Variants in VGLL4 observed in about 807,000 individuals in gnomAD.
The protein encoded by VGLL4 is vestigial like family member 4.
A neutral mutation model predicts 21.0 loss-of-function variants in VGLL4; 7 were observed. The ratio of observed to expected loss-of-function variants is 0.33; its 90% CI spans 0.19 to 0.63. The LOEUF is 0.63. Among genes scored for constraint, VGLL4 ranks in the 20% least tolerant of loss-of-function variants. The pLI is 0.78. For synonymous variants in VGLL4, 222 were observed against 173.2 expected (o/e 1.28, Z -2.21); for missense variants, 394 against 425.7 (o/e 0.93, Z 0.66).
At chr3:11,626,242 G>A in intron 1 of VGLL4, 1 of 413,952 alleles carries the variant, frequency 2.4e-6, no homozygotes, top group Non-Finnish European at 4.8e-6. Context: ...ACCAAATACG[G>A]AAGCTGAATC....
At chr3:11,591,944 A>G (rs4346530) in intron 2 of VGLL4, among the ~76,000 whole-genome samples, 120,190 of 152,000 alleles carry the variant, frequency 0.79, 48,103 homozygotes, top group Non-Finnish European at 0.86. Flanking sequence ...TTTCCACATT[A>G]GTAATTTAGG....
At chr3:11,677,285 T>A (rs1432321603) in intron 2 of VGLL4, among the ~76,000 whole-genome samples, 3 of 152,122 alleles carry the variant, frequency 2.0e-5, no homozygotes, top group Non-Finnish European at 4.4e-5. Context: ...CAATTTTTTT[T>A]TTTTTTGACA....
At chr3:11,571,801 C>T (rs985823503) in intron 2 of VGLL4, among the ~76,000 whole-genome samples, 4 of 152,158 alleles carry the variant, frequency 2.6e-5, no homozygotes, top group South Asian at 2.1e-4. Context: ...CTGTGGCTTG[C>T]GGTCCCAGCG....
intron 2 of VGLL4, among the ~76,000 whole-genome samples, chr3:11,701,599 C>T (rs1487663141): frequency 1.3e-5 from 2 of 152,130 alleles, no homozygotes; most frequent in Non-Finnish European, 2.9e-5. Flanking sequence ...CACGACAGCC[C>T]GTTAATCCTC....
intron 1 of VGLL4, chr3:11,610,163 G>C (rs1338612176): frequency 1.3e-5 from 2 of 152,412 alleles, no homozygotes; most frequent in South Asian, 2.1e-4. Flanking sequence ...ACCCTGGTAA[G>C]AGGACCCTGC....
At chr3:11,686,427 A>G (rs1041181995) in intron 2 of VGLL4, among the ~76,000 whole-genome samples, 3 of 152,344 alleles carry the variant, frequency 2.0e-5, no homozygotes, top group Middle Eastern at 3.4e-3. Context: ...CAAATATCGT[A>G]TGATTCCACA....
chr3:11,642,081 A>C (rs2075701833), intron 1 of VGLL4, among the ~76,000 whole-genome samples: 1 of 152,110 alleles, frequency 6.6e-6, no homozygotes, highest in Admixed American at 6.5e-5. Context: ...TGTCACGGGA[A>C]ACAAGCCCAG....
chr3:11,577,228 A>C (rs1312144106), intron 2 of VGLL4, among the ~76,000 whole-genome samples: 1 of 152,202 alleles, frequency 6.6e-6, no homozygotes, highest in East Asian at 1.9e-4. Flanking sequence ...GTCATCTTTC[A>C]AAATTTCAAA....
rs574428080 is a variant in VGLL4 at position 11,710,907 on chromosome 3, C to T, written c.-13-7860G>A. On this transcript the variant is annotated intron_variant, in intron 1 of 5. Coordinates refer to the VGLL4 transcript ENST00000273038. ...TTGAGGTCAGGAGTTCGAAACCAGT[C>T]TGGCCAACATGGTGAAACCCCGTCT... Among the ~76,000 whole-genome samples the T allele has an allele frequency of 8.6e-5, 13 of 151,882 alleles. No homozygotes were observed. The East Asian group carries it at 2.5e-3, about 30-fold the overall frequency.
At position 11,643,638 on chromosome 3, in the gene VGLL4, C is replaced by G; in HGVS notation, c.-120G>C. ...AACTTCACAAAGGCAGAGGCCCAGCCTCAGACTATCAAAACAAAGTATGCA... is the reference window on the plus strand; with the variant it reads ...AACTTCACAAAGGCAGAGGCCCAGCGTCAGACTATCAAAACAAAGTATGCA... On this transcript the variant is annotated 5_prime_UTR_variant, in exon 1 of 5. Coordinates refer to ENST00000430365, the MANE Select transcript of VGLL4 (RefSeq NM_001128219.3). 6.6e-6 allele frequency: 10 copies of G among 1,519,850 alleles called. No individual in the cohort carries two copies. The highest frequency in any genetic ancestry group is 8.8e-6 in the Non-Finnish European group (10 of 1,142,678). The allele number at this position is 1,519,850 out of a possible 1,614,324, so 94.1% of individuals were successfully genotyped here.
intron 2 of VGLL4, among the ~76,000 whole-genome samples, chr3:11,691,562 A>G (rs2076526859): frequency 6.6e-6 from 1 of 152,216 alleles, no homozygotes; most frequent in African/African-American, 2.4e-5. Context: ...CAATCAGCTC[A>G]TGGACAACAG....
chr3:11,585,206 C>T (rs575528877), intron 2 of VGLL4, among the ~76,000 whole-genome samples: 21 of 152,006 alleles, frequency 1.4e-4, no homozygotes, highest in Non-Finnish European at 2.9e-4. Context: ...GAGGCCGAGG[C>T]GGGCAGATCA....
chr3:11,576,718 C>G (rs2074059693), intron 2 of VGLL4, among the ~76,000 whole-genome samples: 1 of 152,216 alleles, frequency 6.6e-6, no homozygotes, highest in African/African-American at 2.4e-5. Flanking sequence ...CTGCTTCACT[C>G]CACCCCACAC....
intron 1 of VGLL4, 66 bp downstream of exon 1, chr3:11,643,370 AC>A: frequency 6.2e-7 from 1 of 1,612,356 alleles, no homozygotes; most frequent in Non-Finnish European, 8.5e-7. Context: ...GAAGGCAGGC[AC>A]CCAGCACACT....
At chr3:11,569,247 C>T (rs1166170922) in intron 2 of VGLL4, among the ~76,000 whole-genome samples, 2 of 152,248 alleles carry the variant, frequency 1.3e-5, no homozygotes, top group African/African-American at 4.8e-5. Context: ...CGCTGGGCTT[C>T]ATTCACCGTG....
chr3:11,688,929 A>G (rs2076487419), intron 2 of VGLL4, among the ~76,000 whole-genome samples: 1 of 152,112 alleles, frequency 6.6e-6, no homozygotes. Context: ...ATGACAAGAG[A>G]ATCGCTTGAA....
At chr3:11,717,490 A>ATTTTTTTTTTTTTTTTTTTTTTTTTTTT in intron 1 of VGLL4, among the ~76,000 whole-genome samples, 1 of 72,940 alleles carries the variant, frequency 1.4e-5, no homozygotes, top group Non-Finnish European at 2.3e-5. Flanking sequence ...CCCACTACAG[A>ATTTTTTTTTTTTTTTTTTTTTTTTTTTT]TTTTTTTTTT....
intron 2 of VGLL4, among the ~76,000 whole-genome samples, chr3:11,699,364 C>A (rs1353415585): frequency 6.6e-6 from 1 of 152,122 alleles, no homozygotes; most frequent in Non-Finnish European, 1.5e-5. Context: ...AGAAAGGTTT[C>A]CCAAAAATGT....
rs1302212603 is a variant in VGLL4 at position 11,568,514 on chromosome 3, G to C, written c.273-3495C>G. 1.3e-6 allele frequency: 2 copies of C among 1,500,562 alleles called. No individual in the cohort carries two copies. Among genetic ancestry groups the C allele is most frequent in the Non-Finnish European group, 1.8e-6 (2 of 1,101,372 alleles). 93.0% of individuals were successfully genotyped at this position (1,500,562 alleles called of 1,614,324 possible). A position where few individuals can be genotyped will look rare whatever the true frequency, so the allele number is the denominator to read the frequency against. ...ACAGTCCGTGGAACACAGCACAGTG[G>C]GCACTATGGGTCAGACAAAGACACT... On this transcript the variant is annotated intron_variant, in intron 2 of 4. Transcript: ENST00000430365. The surrounding 1 kb of genome is among the most constrained non-coding windows in gnomAD (Gnocchi z 5.9).
Sources: allele counts gnomAD v4.1 joint callset (sites outside exome capture counted in the v4.1 genomes callset), GRCh38; gene constraint gnomAD v4.1.1; non-coding constraint Gnocchi (gnomAD v3.1); transcripts MANE v1.5; gene names NCBI Gene and HGNC (gene_info 2026-07-23, HGNC 2026-07-21).